Variants in RAPGEF4 observed in about 807,000 individuals in gnomAD.
RAPGEF4 encodes the protein RAP guanine-nucleotide-exchange factor (GEF) 4.
A neutral mutation model predicts 147.9 loss-of-function variants in RAPGEF4; 66 were observed. That is an observed-to-expected ratio of 0.45 (90% confidence interval 0.37 to 0.55). The LOEUF is 0.55. Among genes scored for constraint, RAPGEF4 ranks in the 20% least tolerant of loss-of-function variants. The pLI is 0.00. For missense variants in RAPGEF4, 1,071 were observed against 1,257.3 expected (o/e 0.85, Z 2.24); for synonymous variants, 419 against 442.7 (o/e 0.95, Z 0.67).
At chr2:172,854,188 G>A (rs1242230282) in intron 4 of RAPGEF4, among the ~76,000 whole-genome samples, 1 of 151,880 alleles carries the variant, frequency 6.6e-6, no homozygotes, top group Non-Finnish European at 1.5e-5. Context: ...TGAGAGAACA[G>A]TATTAGAATC....
At position 172,746,440 on chromosome 2, in the gene RAPGEF4, G is replaced by C. The variant is rs543906852; in HGVS notation, c.65+10392G>C. Among the ~76,000 whole-genome samples the C allele has an allele frequency of 3.0e-4, 46 of 152,084 alleles. 1 individual carries two copies. The highest frequency in any genetic ancestry group is 2.2e-4 in the Non-Finnish European group (15 of 68,014). Reference sequence around the variant, plus strand: ...CCCACAGGTAATGCTACAGAACATAGCCCCTCTAATTGCAACTGTGGAAAC... The same window carrying C: ...CCCACAGGTAATGCTACAGAACATACCCCCTCTAATTGCAACTGTGGAAAC... On this transcript the variant is annotated intron_variant, in intron 1 of 30. Coordinates refer to ENST00000397081, the MANE Select transcript of RAPGEF4 (RefSeq NM_007023.4).
chr2:173,000,750 C>CT (rs1164657530), intron 16 of RAPGEF4, among the ~76,000 whole-genome samples: 950 of 24,254 alleles, frequency 0.039, 11 homozygotes, highest in African/African-American at 0.066. Flanking sequence ...TTCTTTCTTT[C>CT]TTTTTTTTTT....
intron 4 of RAPGEF4, among the ~76,000 whole-genome samples, chr2:172,843,825 C>T (rs1317125610): frequency 5.3e-5 from 8 of 152,188 alleles, no homozygotes; most frequent in Admixed American, 2.6e-4. Flanking sequence ...ACGCTAGGAT[C>T]TGTTATCTGT....
chr2:172,969,113 C>T lies in RAPGEF4; in HGVS notation c.1004+1669C>T, dbSNP rs535964445. 9.2e-5 allele frequency among the ~76,000 whole-genome samples: 14 copies of T among 152,296 alleles called. No individual in the cohort carries two copies. In the East Asian group the frequency reaches 2.7e-3, roughly 29 times the overall value. ...CAAACACACTGCAGTACCTAGGAAC[C>T]CAACACAATAAAGAGCTGTCCTGAG... is the stretch of plus-strand genomic sequence containing the variant. On this transcript the variant is annotated intron_variant, in intron 10 of 30. Transcript: ENST00000397081.
At chr2:173,050,925 A>C (rs1686154569) in intron 30 of RAPGEF4, among the ~76,000 whole-genome samples, 1 of 152,134 alleles carries the variant, frequency 6.6e-6, no homozygotes, top group Admixed American at 6.6e-5. Context: ...GGCTGAGTGC[A>C]TTGGCTCATC....
At chr2:172,973,771 C>T (rs1172583784) in intron 10 of RAPGEF4, among the ~76,000 whole-genome samples, 1 of 152,122 alleles carries the variant, frequency 6.6e-6, no homozygotes, top group Non-Finnish European at 1.5e-5. Flanking sequence ...GAGGGGCCAA[C>T]TAAAGACAGA....
In RAPGEF4 at chr2:172,848,314, G is replaced by A. The variant is rs181527888; in HGVS notation, c.444+33889G>A. ...CTTCCCCCGCCAGCCCCTTCTTGAC[G>A]CTTTGCCTGTTAATTCACACTAGAT... On this transcript the variant is annotated intron_variant, in intron 4 of 30. Transcript: ENST00000397081. 9.1e-4 allele frequency among the ~76,000 whole-genome samples: 138 copies of A among 152,062 alleles called. 1 individual carries two copies. Among genetic ancestry groups the A allele is most frequent in the South Asian group, 1.9e-3 (9 of 4,806 alleles).
chr2:172,737,928 T>C (rs532062693), intron 1 of RAPGEF4, among the ~76,000 whole-genome samples: 1 of 152,296 alleles, frequency 6.6e-6, no homozygotes, highest in Admixed American at 6.5e-5. Flanking sequence ...GTTTGAAAAC[T>C]GTGAGTGCCA....
chr2:172,990,614 AGTC>A (rs1692734694), intron 14 of RAPGEF4, among the ~76,000 whole-genome samples, 193 bp from the exon 15 acceptor site: 1 of 152,228 alleles, frequency 6.6e-6, no homozygotes, highest in Non-Finnish European at 1.5e-5. Context: ...GGGTAAAAGC[AGTC>A]TTAAAAACAC....
At chr2:172,910,142 TG>T (rs1256041889) in intron 4 of RAPGEF4, among the ~76,000 whole-genome samples, 1 of 152,232 alleles carries the variant, frequency 6.6e-6, no homozygotes, top group Non-Finnish European at 1.5e-5. Context: ...GCTTCAGGCT[TG>T]GGCTCCCAAA....
intron 4 of RAPGEF4, among the ~76,000 whole-genome samples, chr2:172,847,827 A>G (rs949119832): frequency 2.0e-5 from 3 of 152,194 alleles, no homozygotes; most frequent in South Asian, 2.1e-4. Context: ...TAATAGGACC[A>G]TGTGTTAGCC....
intron 4 of RAPGEF4, among the ~76,000 whole-genome samples, chr2:172,819,663 C>T (rs1688876997): frequency 1.3e-5 from 2 of 151,514 alleles, no homozygotes; most frequent in Admixed American, 6.6e-5. Flanking sequence ...GACGGGGTTT[C>T]ACCGTTTTAG....
chr2:173,015,971 T>C (rs981231398), intron 18 of RAPGEF4, among the ~76,000 whole-genome samples: 3 of 152,302 alleles, frequency 2.0e-5, no homozygotes, highest in East Asian at 3.9e-4. Context: ...TTTCAAAACA[T>C]TGGCTTTCAT....
intron 4 of RAPGEF4, 58 bp downstream of exon 4, chr2:172,814,483 C>T (rs1688315253): frequency 2.6e-6 from 4 of 1,561,258 alleles, no homozygotes; most frequent in Middle Eastern, 1.7e-4. Flanking sequence ...AGGGAGCTGC[C>T]ACATGGATAA....
chr2:172,856,434 G>T (rs1693419656), intron 4 of RAPGEF4, among the ~76,000 whole-genome samples: 1 of 152,068 alleles, frequency 6.6e-6, no homozygotes, highest in Non-Finnish European at 1.5e-5. Context: ...CTTTTGGTTG[G>T]TTTCTTTTGA....
rs1575445306 is a variant in RAPGEF4, at chr2:172,985,238, G to C, written c.1090-195G>C. 2.0e-5 allele frequency among the ~76,000 whole-genome samples: 3 copies of C among 152,208 alleles called. No homozygotes were observed. The East Asian group carries it at 5.8e-4, about 29-fold the overall frequency. ...TTAGCTATAAGCTATTCTATAAAAA[G>C]AGCTACAAGCTTTAAAAGCCTAGCA... On this transcript the variant is annotated intron_variant, in intron 11 of 30. Transcript: ENST00000397081.
At chr2:172,836,126 G>A (rs999816386) in intron 4 of RAPGEF4, among the ~76,000 whole-genome samples, 1 of 152,082 alleles carries the variant, frequency 6.6e-6, no homozygotes, top group Non-Finnish European at 1.5e-5. Context: ...ATAATCTCAG[G>A]CTTATTTTTT....
intron 4 of RAPGEF4, among the ~76,000 whole-genome samples, chr2:172,903,317 G>C (rs543136075): frequency 6.7e-6 from 1 of 148,224 alleles, no homozygotes; most frequent in Non-Finnish European, 1.5e-5. Context: ...TGCAGTGAGC[G>C]GAGATTGCGC....
intron 4 of RAPGEF4, among the ~76,000 whole-genome samples, chr2:172,893,311 A>T (rs1698133206): frequency 6.6e-6 from 1 of 152,206 alleles, no homozygotes; most frequent in Non-Finnish European, 1.5e-5. Flanking sequence ...CCTGGGAGAG[A>T]ACTGCAAGCA....
Sources: allele counts gnomAD v4.1 joint callset (sites outside exome capture counted in the v4.1 genomes callset), GRCh38; gene constraint gnomAD v4.1.1; transcripts MANE v1.5; gene names NCBI Gene and HGNC (gene_info 2026-07-23, HGNC 2026-07-21).